The following SPMAP2L variants were observed in gnomAD, a reference collection of about 807,000 sequenced individuals.
SPMAP2L encodes sperm microtubule associated protein 2 like.
the SPMAP2L span, among the ~76,000 whole-genome samples, chr4:56,555,775 C>CAA: frequency 9.9e-3 from 1,510 of 152,196 alleles, 13 homozygotes; most frequent in African/African-American, 0.025. Flanking sequence ...TGTTGGCATA[C>CAA]AAAAATCAGT....
chr4:56,623,090 T>C, the SPMAP2L span, among the ~76,000 whole-genome samples: 1 of 152,282 alleles, frequency 6.6e-6, no homozygotes, highest in Non-Finnish European at 1.5e-5. Context: ...CTGCTGCCTT[T>C]CTAGCCTGCC....
chr4:56,585,446 A>C, the SPMAP2L span, among the ~76,000 whole-genome samples: 3 of 152,202 alleles, frequency 2.0e-5, no homozygotes. Flanking sequence ...TCCCAGGCTC[A>C]AATGATCCTC....
At chr4:56,563,374 G>C in the SPMAP2L span, among the ~76,000 whole-genome samples, 5 of 151,742 alleles carry the variant, frequency 3.3e-5, no homozygotes, top group African/African-American at 4.8e-5. Flanking sequence ...AAAGTGCTGG[G>C]ATTACAGGTG....
chr4:56,531,588 T>G, the SPMAP2L span, among the ~76,000 whole-genome samples: 1 of 152,176 alleles, frequency 6.6e-6, no homozygotes, highest in Non-Finnish European at 1.5e-5. Flanking sequence ...GAGTGATCCT[T>G]GAAGGGAGGA....
At chr4:56,586,929 A>G in the SPMAP2L span, among the ~76,000 whole-genome samples, 2 of 152,148 alleles carry the variant, frequency 1.3e-5, no homozygotes, top group African/African-American at 4.8e-5. Context: ...GCCACACCCA[A>G]TGATGTAAGC....
chr4:56,553,088 G>T, the SPMAP2L span, among the ~76,000 whole-genome samples: 15 of 151,516 alleles, frequency 9.9e-5, no homozygotes, highest in Non-Finnish European at 1.5e-5. Context: ...CAGCAAGCTG[G>T]ACCCTTAGTC....
the SPMAP2L span, among the ~76,000 whole-genome samples, chr4:56,620,448 G>A: frequency 6.7e-6 from 1 of 150,074 alleles, no homozygotes; most frequent in East Asian, 2.0e-4. Context: ...GTGCAACAGC[G>A]CGATCTCAGC....
the SPMAP2L span, among the ~76,000 whole-genome samples, chr4:56,588,955 G>A: frequency 6.6e-6 from 1 of 151,858 alleles, no homozygotes; most frequent in African/African-American, 2.4e-5. Flanking sequence ...CTTATTTCTA[G>A]GTTCTCTATT....
At chr4:56,580,280 A>G in the SPMAP2L span, among the ~76,000 whole-genome samples, 3 of 152,180 alleles carry the variant, frequency 2.0e-5, no homozygotes, top group Non-Finnish European at 4.4e-5. Context: ...CCATGACCAA[A>G]TTGGCTTTAC....
At chr4:56,600,128 A>G in the SPMAP2L span, among the ~76,000 whole-genome samples, 2 of 29,984 alleles carry the variant, frequency 6.7e-5, no homozygotes, top group South Asian at 2.0e-3. Context: ...TTTTTTTTGT[A>G]GAGATGAGGT....
the SPMAP2L span, among the ~76,000 whole-genome samples, chr4:56,609,050 C>CTTTTTTTTTTTT: frequency 1.7e-5 from 2 of 115,618 alleles, no homozygotes; most frequent in African/African-American, 6.2e-5. Context: ...TTCTTTCTTT[C>CTTTTTTTTTTTT]TTTTTTTTTT....
chr4:56,588,197 T>C, the SPMAP2L span, among the ~76,000 whole-genome samples: 1 of 152,220 alleles, frequency 6.6e-6, no homozygotes, highest in African/African-American at 2.4e-5. Context: ...TTGAGTTTGT[T>C]GTAGATTCTG....
the SPMAP2L span, among the ~76,000 whole-genome samples, chr4:56,564,853 G>T: frequency 6.6e-6 from 1 of 152,020 alleles, no homozygotes; most frequent in Non-Finnish European, 1.5e-5. Context: ...CACAAATGTT[G>T]ATATTTGTGC....
chr4:56,577,889 G>T, the SPMAP2L span, among the ~76,000 whole-genome samples: 4 of 152,144 alleles, frequency 2.6e-5, no homozygotes, highest in Non-Finnish European at 5.9e-5. Flanking sequence ...GGAGGCTGAG[G>T]CAGGAGAATT....
chr4:56,605,296 T>C, the SPMAP2L span, among the ~76,000 whole-genome samples: 1 of 152,364 alleles, frequency 6.6e-6, no homozygotes, highest in Admixed American at 6.5e-5. Context: ...TGCTTGGCAC[T>C]GGAGATAACA....
chr4:56,615,382 A>G, the SPMAP2L span, among the ~76,000 whole-genome samples: 1 of 152,234 alleles, frequency 6.6e-6, no homozygotes, highest in Admixed American at 6.5e-5. Flanking sequence ...TTTCTACGCT[A>G]TGCCCGCAGG....
At chr4:56,615,867 C>T in the SPMAP2L span, among the ~76,000 whole-genome samples, 1 of 152,182 alleles carries the variant, frequency 6.6e-6, no homozygotes, top group Non-Finnish European at 1.5e-5. Flanking sequence ...AGGTGAGGCT[C>T]ATTTCAAAAG....
chr4:56,583,639 T>C, the SPMAP2L span, among the ~76,000 whole-genome samples: 2 of 152,176 alleles, frequency 1.3e-5, no homozygotes, highest in Non-Finnish European at 2.9e-5. Flanking sequence ...CTATGAAAAT[T>C]GGCCAAGTGG....
the SPMAP2L span, among the ~76,000 whole-genome samples, chr4:56,540,408 T>C: frequency 6.6e-6 from 1 of 152,024 alleles, no homozygotes; most frequent in African/African-American, 2.4e-5. Context: ...CCGGGAGTGG[T>C]GGTGCACGCC....
Sources: allele counts gnomAD v4.1 joint callset (sites outside exome capture counted in the v4.1 genomes callset), GRCh38; gene constraint gnomAD v4.1.1; transcripts MANE v1.5; gene names NCBI Gene and HGNC (gene_info 2026-07-23, HGNC 2026-07-21).